Variants in TMCC1 observed in about 807,000 individuals in gnomAD.
TMCC1 encodes transmembrane and coiled-coil domain family 1.
A neutral mutation model predicts 52.4 loss-of-function variants in TMCC1; 15 were observed. The ratio of observed to expected loss-of-function variants is 0.29; its 90% CI spans 0.19 to 0.44. The LOEUF is 0.44. Among genes scored for constraint, TMCC1 ranks in the 20% least tolerant of loss-of-function variants. The probability of loss-of-function intolerance (pLI) is 1.00; values close to 1 mark genes in which losing one functional copy is unlikely to be tolerated. For missense variants in TMCC1, 503 were observed against 806.0 expected (o/e 0.62, Z 4.55); for synonymous variants, 279 against 301.9 (o/e 0.92, Z 0.79).
intron 4 of TMCC1, among the ~76,000 whole-genome samples, chr3:129,734,693 AAAG>A (rs2050804510): frequency 6.6e-6 from 1 of 152,156 alleles, no homozygotes. Context: ...AAAAAACACA[AAAG>A]AATAAAACAC....
At chr3:129,834,677 A>G (rs2059075324) in intron 2 of TMCC1, among the ~76,000 whole-genome samples, 1 of 152,232 alleles carries the variant, frequency 6.6e-6, no homozygotes, top group African/African-American at 2.4e-5. Context: ...AAAGATGACA[A>G]GGAAGAGCTG....
intron 4 of TMCC1, among the ~76,000 whole-genome samples, chr3:129,824,760 C>T (rs149165462): frequency 1.7e-3 from 259 of 152,284 alleles, no homozygotes; most frequent in African/African-American, 6.1e-3. Flanking sequence ...ATAAGACATT[C>T]TCTTCATAGT....
intron 2 of TMCC1, among the ~76,000 whole-genome samples, chr3:129,851,588 T>C (rs1028148045): frequency 6.6e-6 from 1 of 152,166 alleles, no homozygotes; most frequent in African/African-American, 2.4e-5. Context: ...GCAGAAAGTT[T>C]AGTGTTGGTA....
At chr3:129,694,669 G>A (rs2047267897) in intron 4 of TMCC1, among the ~76,000 whole-genome samples, 1 of 152,216 alleles carries the variant, frequency 6.6e-6, no homozygotes, top group Non-Finnish European at 1.5e-5. Flanking sequence ...CTCCAAGGCA[G>A]TGTACAAATG....
chr3:129,834,687 G>C (rs1290865434), intron 2 of TMCC1, among the ~76,000 whole-genome samples: 1 of 152,156 alleles, frequency 6.6e-6, no homozygotes, highest in Non-Finnish European at 1.5e-5. Context: ...AGGAAGAGCT[G>C]AGCCCATTAG....
rs563494850 is a variant in TMCC1, at chr3:129,794,140, C to T, written c.576+33663G>A. On this transcript the variant is annotated intron_variant, in intron 4 of 6. Transcript: ENST00000393238. ...TTAGGGGAACACAATCTGGGGCTGC[C>T]AGTGCAGTCAGCCTTCAAGCTTTGT... is the stretch of plus-strand genomic sequence containing the variant. Among the ~76,000 whole-genome samples the T allele has an allele frequency of 2.0e-5, 3 of 152,322 alleles. No individual in the cohort carries two copies. The East Asian group carries it at 5.8e-4, about 29-fold the overall frequency.
chr3:129,706,786 TTTTATTTCA>T (rs1363524189), intron 4 of TMCC1, among the ~76,000 whole-genome samples: 49 of 152,178 alleles, frequency 3.2e-4, no homozygotes, highest in African/African-American at 1.2e-3. Flanking sequence ...ATTTCCTTGT[TTTTATTTCA>T]TTTATTTCAT....
intron 4 of TMCC1, among the ~76,000 whole-genome samples, chr3:129,723,069 T>C (rs181788865): frequency 1.0e-3 from 152 of 152,322 alleles, no homozygotes; most frequent in African/African-American, 3.4e-3. Flanking sequence ...AAAATATGTA[T>C]CATTTATAAG....
In TMCC1 at chr3:129,671,189, T is replaced by C; in HGVS notation, c.652A>G (p.Thr218Ala). ...VASSTDGSIH[T>A]DSVDGTPDPQ... The stretch of plus-strand genomic sequence containing the variant: ...TCTGGTGTTCCATCCACAGAGTCTG[T>C]GTGGATGCTGCCATCGGTACTGGAG... The change falls in exon 5 of 7, where the codon ACA becomes GCA. Residue 218 changes from threonine (T) to alanine (A), a missense_variant. By Grantham distance (58) the Thr-to-Ala change is moderately conservative. This residue lies in a region of TMCC1 where 217 missense variants were observed against 297.9 expected (regional missense o/e 0.73). Transcript: ENST00000393238. The C allele has an allele frequency of 1.2e-6, 2 of 1,614,160 alleles. No individual in the cohort carries two copies. The highest frequency in any genetic ancestry group is 1.7e-6 in the Non-Finnish European group (2 of 1,180,016).
At chr3:129,727,952 A>G (rs1276765958) in intron 4 of TMCC1, among the ~76,000 whole-genome samples, 2 of 152,244 alleles carry the variant, frequency 1.3e-5, no homozygotes, top group Admixed American at 6.5e-5. Flanking sequence ...GTCCCTGGCC[A>G]AAAGCCACAG....
intron 4 of TMCC1, among the ~76,000 whole-genome samples, chr3:129,716,138 T>G (rs1045388868): frequency 6.8e-6 from 1 of 147,598 alleles, no homozygotes; most frequent in African/African-American, 2.5e-5. Flanking sequence ...ACCTGGAGAG[T>G]TTCAGCCACT....
chr3:129,672,372 A>C (rs890103086), intron 4 of TMCC1, among the ~76,000 whole-genome samples: 2 of 152,176 alleles, frequency 1.3e-5, no homozygotes, highest in African/African-American at 4.8e-5. Flanking sequence ...TCAAAGGAGA[A>C]GGATCACTTG....
At chr3:129,851,880 TGGCTCAC>T (rs1367132316) in intron 2 of TMCC1, among the ~76,000 whole-genome samples, 1 of 152,188 alleles carries the variant, frequency 6.6e-6, no homozygotes, top group African/African-American at 2.4e-5. Flanking sequence ...CCAGGCGTGG[TGGCTCAC>T]GCCCATAATC....
intron 4 of TMCC1, among the ~76,000 whole-genome samples, chr3:129,702,282 G>A (rs1433743044): frequency 1.3e-5 from 2 of 148,848 alleles, no homozygotes; most frequent in African/African-American, 5.0e-5. Context: ...AATAATACAT[G>A]TTGCTGTAAC....
At chr3:129,762,276 T>C (rs2053675810) in intron 4 of TMCC1, among the ~76,000 whole-genome samples, 2 of 151,688 alleles carry the variant, frequency 1.3e-5, no homozygotes, top group African/African-American at 4.8e-5. Flanking sequence ...CTGGGCTCAA[T>C]CAATCTACCC....
At chr3:129,679,322 T>TATTG (rs1576419527) in intron 4 of TMCC1, among the ~76,000 whole-genome samples, 1 of 152,118 alleles carries the variant, frequency 6.6e-6, no homozygotes, top group Admixed American at 6.5e-5. Context: ...TTTATTTATT[T>TATTG]ATTGATGGAG....
At position 129,757,456 on chromosome 3, in the gene TMCC1, C is replaced by T. The variant is rs1016071266; in HGVS notation, c.576+70347G>A. Among the ~76,000 whole-genome samples the T allele has an allele frequency of 3.0e-4, 45 of 152,296 alleles. 1 individual carries two copies. The highest frequency in any genetic ancestry group is 1.0e-3 in the African/African-American group (43 of 41,562). ...ACACCTGAATATAACCCTTCCCTGC[C>T]AACCAGGGCTCTCCTAAAGAGTGGC... On this transcript the variant is annotated intron_variant, in intron 4 of 6. Transcript: ENST00000393238.
intron 4 of TMCC1, among the ~76,000 whole-genome samples, chr3:129,704,967 A>T (rs2048108869): frequency 6.6e-6 from 1 of 152,210 alleles, no homozygotes; most frequent in Non-Finnish European, 1.5e-5. Context: ...TCTAATCACA[A>T]AGGGGAAAAG....
At chr3:129,835,384 T>G (rs892328975) in intron 2 of TMCC1, among the ~76,000 whole-genome samples, 1 of 152,040 alleles carries the variant, frequency 6.6e-6, no homozygotes, top group African/African-American at 2.4e-5. Flanking sequence ...AGCATATGCT[T>G]AGTTTTTCCT....
Sources: allele counts gnomAD v4.1 joint callset (sites outside exome capture counted in the v4.1 genomes callset), GRCh38; gene constraint gnomAD v4.1.1; regional missense constraint gnomAD v4.1.1; transcripts MANE v1.5; gene names NCBI Gene and HGNC (gene_info 2026-07-23, HGNC 2026-07-21).